The following TRAF3IP3 variants were observed in gnomAD, a reference collection of about 807,000 sequenced individuals.
The protein encoded by TRAF3IP3 is TRAF3-interacting JNK-activating modulator.
TRAF3IP3 carries 64 observed loss-of-function variants against 86.5 expected under a neutral mutation model. That is an observed-to-expected ratio of 0.74 (90% CI 0.60 to 0.91). TRAF3IP3 has a LOEUF of 0.91. Among genes scored for constraint, TRAF3IP3 ranks in the 40% least tolerant of loss-of-function variants. The probability of loss-of-function intolerance (pLI) is 0.00; values close to 1 mark genes in which losing one functional copy is unlikely to be tolerated. For synonymous variants in TRAF3IP3, 220 were observed against 243.9 expected (o/e 0.90, Z 0.91); for missense variants, 579 against 642.9 (o/e 0.90, Z 1.07).
intron 8 of TRAF3IP3, among the ~76,000 whole-genome samples, chr1:209,769,616 C>T (rs781676720): frequency 2.6e-5 from 4 of 152,254 alleles, no homozygotes; most frequent in Non-Finnish European, 4.4e-5. Flanking sequence ...AAGATCAAAA[C>T]AGGAGCTGCG....
intron 14 of TRAF3IP3, 112 bp downstream of exon 14, chr1:209,779,486 G>A (rs2077731749): frequency 1.1e-6 from 1 of 899,236 alleles, no homozygotes; most frequent in South Asian, 1.4e-5. Flanking sequence ...CTGGGAGTCT[G>A]TTAAGTCCGG....
At chr1:209,779,128 C>G in intron 13 of TRAF3IP3, 187 bp from the exon 14 acceptor site, 1 of 600,644 alleles carries the variant, frequency 1.7e-6, no homozygotes, top group South Asian at 2.1e-5. Context: ...AAGAATCTAT[C>G]TCCAAATAAG....
Position 209,760,246 on chromosome 1 carries a change from G to T in TRAF3IP3, c.207G>T (p.Arg69Ser). ...GACTGCAGCAGTTCTTCAGGAGGAG[G>T]AACCTGGAGCTAGAGGAGAAGGGCA... Reference protein sequence around the residue: ...RARLQQFFRRRNLELEEKGKA... With the variant: ...RARLQQFFRRSNLELEEKGKA... Residue 69 changes from arginine (R) to serine (S), a missense_variant, in exon 3 of 17, where the codon AGG (arginine) becomes AGT (serine). Physicochemically the swap from Arg to Ser is moderately radical, Grantham distance 110 (BLOSUM62 -1). Coordinates refer to ENST00000367025, the MANE Select transcript of TRAF3IP3 (RefSeq NM_025228.4). The T allele has an allele frequency of 1.2e-6, 2 of 1,614,258 alleles. No homozygotes were observed. Among genetic ancestry groups the T allele is most frequent in the Non-Finnish European group, 8.5e-7 (1 of 1,180,046 alleles).
chr1:209,781,497 G>A (rs764721068), intron 16 of TRAF3IP3, 39 bp downstream of exon 16: 3 of 1,478,400 alleles, frequency 2.0e-6, no homozygotes, highest in African/African-American at 1.4e-5. Context: ...CCTGGATGAT[G>A]GGACGATTCC....
rs1190668749 is a variant in TRAF3IP3, at chr1:209,775,725, T to C, written c.1042T>C (p.Ser348Pro). The change falls in exon 11 of 17, where the codon TCC becomes CCC. Residue 348 changes from serine (S) to proline (P), a missense_variant. Transcript: ENST00000367025. ...ELESQLHVLQ[S>P]KLQGADSRDL... ...GGAGAGCCAACTCCACGTGCTTCAGTCCAAACTGCAGGTACCAGGCACTGG... is the reference window on the plus strand; with the variant it reads ...GGAGAGCCAACTCCACGTGCTTCAGCCCAAACTGCAGGTACCAGGCACTGG... The C allele has an allele frequency of 1.2e-6, 2 of 1,611,716 alleles. No individual in the cohort carries two copies. Among genetic ancestry groups the C allele is most frequent in the Admixed American group, 3.3e-5 (2 of 59,724 alleles).
At position 209,760,327 on chromosome 1, in the gene TRAF3IP3, G is replaced by T; in HGVS notation, c.288G>T (p.Val96=). 6.2e-7 allele frequency: 1 copy of T among 1,613,698 alleles called. No homozygotes were observed. The highest frequency in any genetic ancestry group is 1.1e-5 in the South Asian group (1 of 90,986). The part of the protein sequence containing the change: ...EQGPSRRPGQ[V]TVLKEPLSCA... ...GGCCCTCCAGGCGGCCAGGACAGGT[G>T]ACTGTCCTCAAGGAACCCTTGTCTT... The change falls in exon 3 of 17, where the codon GTG becomes GTT. Residue 96 remains valine (V), a synonymous_variant. Transcript: ENST00000367025.
At chr1:209,778,588 A>G (rs1294959571) in intron 13 of TRAF3IP3, 1 of 163,116 alleles carries the variant, frequency 6.1e-6, no homozygotes, top group Non-Finnish European at 1.3e-5. Context: ...TTGGGCCCAA[A>G]GAGGAAAAGG....
chr1:209,781,370 ACAAC>A lies in TRAF3IP3; in HGVS notation c.1477_1480del (p.Asn493SerfsTer19). ...TGCAGAGAACTGCATTCAGAATTAG[ACAAC>A]CTCAGTGACGAGTATCTCTCCTGCC... On this transcript the variant is annotated frameshift_variant, in exon 16 of 17. Transcript: ENST00000367025. LOFTEE classifies it high-confidence loss of function. The A allele has an allele frequency of 6.2e-7, 1 of 1,613,288 alleles. No individual in the cohort carries two copies. The highest frequency in any genetic ancestry group is 1.3e-5 in the African/African-American group (1 of 75,042).
Position 209,760,381 on chromosome 1 carries a change from G to A in TRAF3IP3, c.342G>A (p.Glu114=), listed in dbSNP as rs748900563. The A allele has an allele frequency of 6.3e-7, 1 of 1,588,256 alleles. No homozygotes were observed. Among genetic ancestry groups the A allele is most frequent in the Non-Finnish European group, 8.6e-7 (1 of 1,167,016 alleles). The change falls in exon 3 of 17, where the codon GAG becomes GAA. Residue 114 remains glutamate (E), a synonymous_variant. Transcript: ENST00000367025. ...SCARRISSPR[E]QVTGTSSEVF... is the part of the protein sequence containing the mutation. ...CCAGAAGGATTTCTTCTCCCAGAGA[G>A]CAGGTGGGCCGTGTCAAGGGACATA...
intron 8 of TRAF3IP3, among the ~76,000 whole-genome samples, chr1:209,767,856 G>C (rs1290940191): frequency 1.3e-5 from 2 of 152,044 alleles, no homozygotes; most frequent in South Asian, 2.1e-4. Context: ...AGACATTTCT[G>C]GGTTTGTCTC....
rs751869332 is a variant in TRAF3IP3, at chr1:209,763,101, A to G, written c.576+9A>G. On this transcript the variant is annotated intron_variant, in intron 6 of 16. Coordinates refer to ENST00000367025, the MANE Select transcript of TRAF3IP3 (RefSeq NM_025228.4). ...TTGCAGTTCTGGATAAGGTAAGCAC[A>G]TATTCACTTTGAAGGGGTCAAATCA... 8 of 1,612,964 alleles carry G rather than the reference A, an allele frequency of 5.0e-6. No homozygotes were observed. The Admixed American group carries it at 1.2e-4, about 24-fold the overall frequency.
At chr1:209,766,218 G>C (rs2077353362) in intron 8 of TRAF3IP3, among the ~76,000 whole-genome samples, 1 of 152,230 alleles carries the variant, frequency 6.6e-6, no homozygotes, top group Admixed American at 6.5e-5. Flanking sequence ...TCTGTGGTCA[G>C]AGCTCCTGAT....
chr1:209,765,178 GGAGAGAGAGAGAGAGAGAGAGA>G (rs375415223), intron 8 of TRAF3IP3, among the ~76,000 whole-genome samples: 3 of 87,842 alleles, frequency 3.4e-5, no homozygotes, highest in African/African-American at 1.5e-4. Flanking sequence ...CTGAGAGACA[GGAGAGAGAGAGAGAGAGAGAGA>G]GAGAGAGAGA....
At position 209,760,115 on chromosome 1, in the gene TRAF3IP3, A is replaced by C. The variant is rs1371333069; in HGVS notation, c.76A>C (p.Arg26=). 2 of 1,614,166 alleles carry C rather than the reference A, an allele frequency of 1.2e-6. No homozygotes were observed. Among genetic ancestry groups the C allele is most frequent in the Non-Finnish European group, 8.5e-7 (1 of 1,180,008 alleles). The change falls in exon 3 of 17, where the codon AGG becomes CGG. Residue 26 remains arginine, a synonymous_variant. Coordinates refer to ENST00000367025, the MANE Select transcript of TRAF3IP3 (RefSeq NM_025228.4). ...AESYEAKCER[R]QEIRESRRCR... ...GAGCTATGAGGCCAAGTGTGAGCGC[A>C]GGCAAGAGATCCGTGAAAGCCGCCG...
In TRAF3IP3 at chr1:209,780,598, GA is replaced by G; in HGVS notation, c.1445del (p.Lys482ArgfsTer10). ...QKKTLQLQAKEKECRELHSEL... is the reference protein window; with the variant it reads ...QKKTLQLQAKXKECRELHSEL... ...GAAGACTTTGCAGCTCCAGGCCAAG[GA>G]AAAGGAGGTGAGAGGGTGACCTGAG... is the stretch of plus-strand genomic sequence containing the variant. On this transcript the variant is annotated frameshift_variant, in exon 15 of 17. Transcript: ENST00000367025. LOFTEE classifies it high-confidence loss of function. 3.8e-6 allele frequency: 6 copies of G among 1,587,772 alleles called. No homozygotes were observed. Among genetic ancestry groups the G allele is most frequent in the East Asian group, 2.3e-5 (1 of 43,530 alleles).
intron 16 of TRAF3IP3, chr1:209,781,677 A>G (rs566386963): frequency 2.0e-6 from 1 of 507,290 alleles, no homozygotes; most frequent in South Asian, 2.4e-5. Context: ...CCAGAAGGAA[A>G]GACTTACTCT....
intron 8 of TRAF3IP3, 72 bp from the exon 9 acceptor site, chr1:209,772,876 A>C (rs1170502044): frequency 1.7e-5 from 22 of 1,317,236 alleles, no homozygotes; most frequent in Non-Finnish European, 2.2e-5. Flanking sequence ...GCAGTAGAAT[A>C]GGAATATAGA....
chr1:209,779,060 C>A (rs956620000), intron 13 of TRAF3IP3: 14 of 542,254 alleles, frequency 2.6e-5, no homozygotes, highest in Non-Finnish European at 4.6e-5. Flanking sequence ...ATAAGGACAC[C>A]AGTGATATTA....
chr1:209,764,984 G>C (rs372333482), intron 8 of TRAF3IP3, among the ~76,000 whole-genome samples: 1 of 152,032 alleles, frequency 6.6e-6, no homozygotes, highest in Non-Finnish European at 1.5e-5. Context: ...AGACCAGCCC[G>C]GCCAACATGG....
Sources: gnomAD v4.1 joint callset for allele counts (sites outside exome capture counted in the v4.1 genomes callset) on GRCh38, gnomAD v4.1.1 for gene constraint, MANE v1.5 for transcripts, NCBI Gene and HGNC (gene_info 2026-07-23, HGNC 2026-07-21) for gene names.